Variants in DRAM1 observed in about 807,000 individuals in gnomAD.
The protein encoded by DRAM1 is DNA damage-regulated autophagy modulator protein 1.
DRAM1 carries 25 observed loss-of-function variants against 28.5 expected under a neutral mutation model. That is an observed-to-expected ratio of 0.88 (90% CI 0.64 to 1.23). The LOEUF is 1.23. Ranked by LOEUF, DRAM1 falls within the 50% of genes most tolerant of loss-of-function variation. The pLI is 0.00. For synonymous variants in DRAM1, 113 were observed against 114.2 expected, an observed-to-expected ratio of 0.99 and a Z score of 0.07; for missense variants, 249 against 299.2, an observed-to-expected ratio of 0.83 and a Z score of 1.24.
intron 1 of DRAM1, 129 bp downstream of exon 1, chr12:101,878,049 G>C: frequency 3.2e-6 from 4 of 1,242,008 alleles, no homozygotes; most frequent in Non-Finnish European, 4.2e-6. Context: ...GTGGGAGCAG[G>C]AGGAGAGGTG....
chr12:101,884,704 G>A (rs980020858), intron 1 of DRAM1, among the ~76,000 whole-genome samples: 3 of 152,206 alleles, frequency 2.0e-5, no homozygotes, highest in Non-Finnish European at 4.4e-5. Context: ...TCTCTGCTCA[G>A]TAGTTGATGA....
In DRAM1 at chr12:101,877,889, G is replaced by T; in HGVS notation, c.100G>T (p.Gly34Trp). 1 of 1,543,200 alleles carries T rather than the reference G, an allele frequency of 6.5e-7. No individual in the cohort carries two copies. Residue 34 changes from glycine to tryptophan, a missense_variant, in exon 1 of 7, where the codon GGG (glycine) becomes TGG (tryptophan). Gly to Trp is a radical substitution (Grantham distance 184). Transcript: ENST00000258534. This position sits in a 1 kb window ranked among gnomAD's most constrained non-coding sequence, Gnocchi z 4.1. Reference protein sequence around the residue: ...IISYVVAVLSGHVNPFLPYIS... With the variant: ...IISYVVAVLSWHVNPFLPYIS... ...CTCCTACGTGGTCGCCGTGCTCTCCGGGCACGTCAACCCCTTCCTCCCGTA... is the reference window on the plus strand; with the variant it reads ...CTCCTACGTGGTCGCCGTGCTCTCCTGGCACGTCAACCCCTTCCTCCCGTA...
intron 1 of DRAM1, among the ~76,000 whole-genome samples, chr12:101,878,670 C>T (rs554142513): frequency 2.0e-5 from 3 of 152,322 alleles, no homozygotes. Flanking sequence ...GTCTGATCCT[C>T]CTATGTGGGT....
rs575651891 is a variant in DRAM1 at position 101,920,990 on chromosome 12, G to C, written c.673-226G>C. Among the ~76,000 whole-genome samples, 6 of 152,146 alleles carry C rather than the reference G, an allele frequency of 3.9e-5. No homozygotes were observed. The South Asian group carries it at 1.2e-3, about 31-fold the overall frequency. The stretch of plus-strand genomic sequence containing the variant: ...CATTCCCAAAGCAGATAGAAGATGG[G>C]ACTATATCAGATTTGTCCACAGGAA... On this transcript the variant is annotated intron_variant, in intron 6 of 6. Coordinates refer to ENST00000258534, the MANE Select transcript of DRAM1 (RefSeq NM_018370.3).
intron 3 of DRAM1, among the ~76,000 whole-genome samples, chr12:101,905,189 C>CAT (rs1381113608): frequency 6.6e-6 from 1 of 152,210 alleles, no homozygotes; most frequent in East Asian, 1.9e-4. Context: ...CACAAGCCAC[C>CAT]ATACCCTGTC....
At chr12:101,904,730 C>T (rs975676176) in intron 3 of DRAM1, among the ~76,000 whole-genome samples, 3 of 151,942 alleles carry the variant, frequency 2.0e-5, no homozygotes, top group Non-Finnish European at 4.4e-5. Context: ...CGTGAGCCAC[C>T]GCGCCTGGCT....
At chr12:101,903,200 C>T (rs551107313) in intron 3 of DRAM1, among the ~76,000 whole-genome samples, 31 of 152,272 alleles carry the variant, frequency 2.0e-4, no homozygotes, top group African/African-American at 7.0e-4. Flanking sequence ...CATGAGCCAC[C>T]GTGCCCAGCC....
In DRAM1 at chr12:101,877,951, G is replaced by A. The variant is rs560720597; in HGVS notation, c.131+31G>A. On this transcript the variant is annotated intron_variant, in intron 1 of 6. Coordinates refer to ENST00000258534, the MANE Select transcript of DRAM1 (RefSeq NM_018370.3). This position sits in a 1 kb window ranked among gnomAD's most constrained non-coding sequence, Gnocchi z 4.1. ...TGGCAGGGTGGGCGTCAGGGCCCCA[G>A]GAGCAGGCACAGGGACCACAGGGAG... The A allele has an allele frequency of 2.1e-5, 31 of 1,486,038 alleles. No individual in the cohort carries two copies. The South Asian group carries it at 4.0e-4, about 19-fold the overall frequency. 92.1% of individuals were successfully genotyped at this position (1,486,038 alleles called of 1,614,324 possible).
intron 2 of DRAM1, among the ~76,000 whole-genome samples, chr12:101,899,169 C>T (rs373382883): frequency 1.2e-4 from 19 of 152,042 alleles, no homozygotes; most frequent in African/African-American, 4.8e-5. Context: ...AAAGTTTCAC[C>T]GCATCACCAT....
chr12:101,907,244 T>C (rs1873855827), intron 3 of DRAM1, among the ~76,000 whole-genome samples: 1 of 149,198 alleles, frequency 6.7e-6, no homozygotes, highest in Non-Finnish European at 1.5e-5. Context: ...TGCATTTGCA[T>C]AACAAAAGCA....
intron 1 of DRAM1, among the ~76,000 whole-genome samples, chr12:101,880,349 G>A (rs1433923327): frequency 7.6e-6 from 1 of 131,188 alleles, no homozygotes; most frequent in East Asian, 2.4e-4. Flanking sequence ...GTGCAATGGT[G>A]CAATCTCGGC....
In DRAM1 at chr12:101,901,300, C is replaced by T. The variant is rs780368558; in HGVS notation, c.209C>T (p.Thr70Met). 15 of 1,611,882 alleles carry T rather than the reference C, an allele frequency of 9.3e-6. No homozygotes were observed. Among genetic ancestry groups the T allele is most frequent in the South Asian group, 7.7e-5 (7 of 90,446 alleles). ...TTCTCTTCTTTTTCAGGTGCAGCCA[C>T]GATGTATACAAGATACAAAATAGTA... ...INFSAFLGAA[T>M]MYTRYKIVQK... is the part of the protein sequence containing the mutation. The change falls in exon 3 of 7, where the codon ACG becomes ATG. Residue 70 changes from threonine to methionine, a missense_variant. Coordinates refer to ENST00000258534, the MANE Select transcript of DRAM1 (RefSeq NM_018370.3).
rs1265549640 is a variant in DRAM1, at chr12:101,908,172, G to A, written c.343-14G>A. The A allele has an allele frequency of 6.3e-7, 1 of 1,598,564 alleles. No homozygotes were observed. The highest frequency in any genetic ancestry group is 8.5e-7 in the Non-Finnish European group (1 of 1,173,506). On this transcript the variant is annotated splice_polypyrimidine_tract_variant and intron_variant, in intron 3 of 6. Transcript: ENST00000258534. ...CCCACCCAGAGTAACACACATTTAT[G>A]ACTTTTTCTCCAGGAGTTAGCTGTG...
Position 101,921,508 on chromosome 12 carries a change from A to C in DRAM1, c.*248A>C, listed in dbSNP as rs1402499910. ...TAAGTAGATTTTTTTATATTAACAA[A>C]TTCATATACAGAAAAAATAAGGTGT... On this transcript the variant is annotated 3_prime_UTR_variant, in exon 7 of 7. Transcript: ENST00000258534. 3.1e-6 allele frequency: 1 copy of C among 327,502 alleles called. No homozygotes were observed. Among genetic ancestry groups the C allele is most frequent in the Non-Finnish European group, 5.5e-6 (1 of 181,994 alleles). 20.3% of individuals were successfully genotyped at this position (327,502 alleles called of 1,614,324 possible). A position where few individuals can be genotyped will look rare whatever the true frequency, so the allele number is the denominator to read the frequency against.
rs61082909 is a variant in DRAM1 at position 101,880,278 on chromosome 12, CTTTTTTTTTTTTTT to C, written c.131+2372_131+2385del. On this transcript the variant is annotated intron_variant, in intron 1 of 6. Transcript: ENST00000258534. Reference sequence around the variant, plus strand: ...ATCTTGCTGTGTCCTGCAATGCTTCCTTTTTTTTTTTTTTTTTTTTTTTTTTTAAGACAGAGTCT... The same window carrying C: ...ATCTTGCTGTGTCCTGCAATGCTTCCTTTTTTTTTTTTTAAGACAGAGTCT... Among the ~76,000 whole-genome samples, 306 of 70,108 alleles carry C rather than the reference CTTTTTTTTTTTTTT, an allele frequency of 4.4e-3. 6 individuals carry two copies. Among genetic ancestry groups the C allele is most frequent in the African/African-American group, 9.6e-3 (127 of 13,248 alleles). The allele number at this position is 70,108 out of a possible 152,430, so 46.0% of individuals were successfully genotyped here.
At chr12:101,910,634 C>A (rs1272548362) in intron 4 of DRAM1, among the ~76,000 whole-genome samples, 1 of 151,920 alleles carries the variant, frequency 6.6e-6, no homozygotes, top group Admixed American at 6.6e-5. Context: ...CCCACCACCA[C>A]GCCCGGCTAC....
chr12:101,903,272 T>C (rs547235332), intron 3 of DRAM1, among the ~76,000 whole-genome samples: 97 of 152,350 alleles, frequency 6.4e-4, no homozygotes, highest in African/African-American at 1.7e-3. Flanking sequence ...ATAATCTTTT[T>C]CCCAAATGGG....
chr12:101,914,485 C>CTTTT (rs553791665), intron 5 of DRAM1, among the ~76,000 whole-genome samples: 14 of 137,462 alleles, frequency 1.0e-4, no homozygotes, highest in African/African-American at 2.5e-4. Context: ...TCTTCTTCTT[C>CTTTT]TTTTTTTTTT....
chr12:101,891,399 A>G (rs1041083960), intron 1 of DRAM1, among the ~76,000 whole-genome samples: 6 of 152,242 alleles, frequency 3.9e-5, no homozygotes, highest in African/African-American at 1.4e-4. Context: ...AATCCTGTGT[A>G]TCCAGTAACT....
Sources: allele counts gnomAD v4.1 joint callset (sites outside exome capture counted in the v4.1 genomes callset), GRCh38; gene constraint gnomAD v4.1.1; non-coding constraint Gnocchi (gnomAD v3.1); transcripts MANE v1.5; gene names NCBI Gene and HGNC (gene_info 2026-07-23, HGNC 2026-07-21).